Variants in MYPN observed in about 807,000 individuals in gnomAD.
MYPN encodes myopalladin.
MYPN carries 63 observed loss-of-function variants against 129.4 expected under a neutral mutation model. That is an observed-to-expected ratio of 0.49 (90% CI 0.40 to 0.60). MYPN has a LOEUF of 0.60. Among genes scored for constraint, MYPN ranks in the 20% least tolerant of loss-of-function variants. The pLI is 0.00. For missense variants in MYPN, 1,596 were observed against 1,635.4 expected (o/e 0.98, Z 0.42); for synonymous variants, 629 against 600.9 (o/e 1.05, Z -0.68).
chr10:68,147,784 C>A (rs1271288468), intron 4 of MYPN, among the ~76,000 whole-genome samples: 1 of 152,250 alleles, frequency 6.6e-6, no homozygotes, highest in East Asian at 1.9e-4. Flanking sequence ...AATCTCCCCT[C>A]TGCAGCCTTC....
At chr10:68,148,144 AG>A in intron 4 of MYPN, among the ~76,000 whole-genome samples, 1 of 152,336 alleles carries the variant, frequency 6.6e-6, no homozygotes, top group African/African-American at 2.4e-5. Flanking sequence ...GCCCAAGGAC[AG>A]GAATGGTGTC....
chr10:68,134,539 G>A (rs972785360), intron 2 of MYPN, among the ~76,000 whole-genome samples: 11 of 152,152 alleles, frequency 7.2e-5, no homozygotes, highest in African/African-American at 9.7e-5. Flanking sequence ...GCTCATGCCC[G>A]TAATCCCAGC....
rs2634711 is a variant in MYPN at position 68,166,176 on chromosome 10, T to C, written c.1601-118T>C. On this transcript the variant is annotated intron_variant, in intron 9 of 19. Transcript: ENST00000358913. Reference sequence around the variant, plus strand: ...TTAATGCCCAGATGATGATCTGTTTTTGACAAGCATTTTCCCATTCATACA... The same window carrying C: ...TTAATGCCCAGATGATGATCTGTTTCTGACAAGCATTTTCCCATTCATACA... 214,624 of 1,203,012 alleles carry C rather than the reference T, an allele frequency of 0.18. 20,207 individuals carry two copies. Among genetic ancestry groups the C allele is most frequent in the Admixed American group, 0.24 (13,776 of 57,812 alleles). The allele number at this position is 1,203,012 out of a possible 1,614,324, so 74.5% of individuals were successfully genotyped here.
intron 13 of MYPN, among the ~76,000 whole-genome samples, chr10:68,193,175 T>C (rs548406580): frequency 5.8e-4 from 88 of 152,162 alleles, no homozygotes; most frequent in Non-Finnish European, 9.9e-4. Flanking sequence ...ACTTCCCTCT[T>C]AGTAAGAAAG....
chr10:68,088,961 T>G (rs943724142), intron 1 of MYPN, among the ~76,000 whole-genome samples: 1 of 152,186 alleles, frequency 6.6e-6, no homozygotes, highest in African/African-American at 2.4e-5. Flanking sequence ...ACTTTCTGTT[T>G]CTGTAGACTT....
intron 11 of MYPN, among the ~76,000 whole-genome samples, 181 bp from the exon 12 acceptor site, chr10:68,175,141 AT>A (rs1226391502): frequency 1.4e-5 from 2 of 147,052 alleles, no homozygotes; most frequent in African/African-American, 5.1e-5. Context: ...CAAAAAAAAA[AT>A]TTTTTAAATT....
chr10:68,109,223 GT>G (rs1458455591), upstream of MYPN: 11 of 182,078 alleles, frequency 6.0e-5, no homozygotes, highest in Non-Finnish European at 2.3e-5. Flanking sequence ...AAAATGAAGA[GT>G]TTTCATACAT....
At chr10:68,204,990 C>T (rs1343891822) in intron 18 of MYPN, among the ~76,000 whole-genome samples, 2 of 152,138 alleles carry the variant, frequency 1.3e-5, no homozygotes, top group Non-Finnish European at 2.9e-5. Context: ...CAGCCACATC[C>T]CACCATCCCT....
chr10:68,093,529 C>G (rs10823135), intron 1 of MYPN, among the ~76,000 whole-genome samples: 40,567 of 146,396 alleles, frequency 0.28, 6,893 homozygotes, highest in East Asian at 0.85. Context: ...ACGAGGTCAG[C>G]AGATCGAGAC....
chr10:68,113,034 C>G (rs1320161819), intron 1 of MYPN, among the ~76,000 whole-genome samples: 1 of 152,172 alleles, frequency 6.6e-6, no homozygotes, highest in East Asian at 1.9e-4. Flanking sequence ...GAAGGCAAAA[C>G]CAACAGGTCA....
At chr10:68,171,616 T>C (rs1330474040) in intron 10 of MYPN, among the ~76,000 whole-genome samples, 1 of 152,232 alleles carries the variant, frequency 6.6e-6, no homozygotes, top group Non-Finnish European at 1.5e-5. Context: ...AAATTAACTC[T>C]GAGCAGGTGC....
At chr10:68,198,858 T>A (rs907651420) in intron 16 of MYPN, among the ~76,000 whole-genome samples, 1 of 145,354 alleles carries the variant, frequency 6.9e-6, no homozygotes, top group Non-Finnish European at 1.5e-5. Context: ...CCATGCCCTG[T>A]TGGGGGGATG....
rs544442298 is a variant in MYPN at position 68,131,784 on chromosome 10, C to CTA, written c.902+9446_902+9447dup. Among the ~76,000 whole-genome samples, 537 of 152,168 alleles carry CTA rather than the reference C, an allele frequency of 3.5e-3. 1 individual carries two copies. Among genetic ancestry groups the CTA allele is most frequent in the Middle Eastern group, 0.02 (6 of 294 alleles). On this transcript the variant is annotated intron_variant, in intron 2 of 19. Coordinates refer to ENST00000358913, the MANE Select transcript of MYPN (RefSeq NM_032578.4). ...ATTCATAGGCATCTCATTTTTAATGCTATTATTATTTTTTAATGCTATTAT... is the reference window on the plus strand; with the variant it reads ...ATTCATAGGCATCTCATTTTTAATGCTATATTATTATTTTTTAATGCTATTAT...
At chr10:68,138,974 C>T (rs1191805356) in intron 2 of MYPN, among the ~76,000 whole-genome samples, 2 of 152,102 alleles carry the variant, frequency 1.3e-5, no homozygotes, top group African/African-American at 2.4e-5. Context: ...TGTCTTAATC[C>T]TCCAACAGAT....
intron 14 of MYPN, among the ~76,000 whole-genome samples, 195 bp downstream of exon 14, chr10:68,194,707 C>T (rs1319019781): frequency 6.6e-6 from 1 of 152,214 alleles, no homozygotes; most frequent in African/African-American, 2.4e-5. Flanking sequence ...TCACTCAATC[C>T]TTCAGCCTTT....
At position 68,194,445 on chromosome 10, in the gene MYPN, C is replaced by G. The variant is rs779029734; in HGVS notation, c.3008C>G (p.Ser1003Cys). 2 of 1,613,900 alleles carry G rather than the reference C, an allele frequency of 1.2e-6. 1 individual carries two copies. The highest frequency in any genetic ancestry group is 2.2e-5 in the South Asian group (2 of 91,074). Residue 1003 changes from serine (S) to cysteine (C), a missense_variant, in exon 14 of 20, where the codon TCT becomes TGT. Ser to Cys is a moderately radical substitution (Grantham distance 112, BLOSUM62 -1). Coordinates refer to ENST00000358913, the MANE Select transcript of MYPN (RefSeq NM_032578.4). ...AGGCGAGAAGGAGATGGGACATGCT[C>G]TCTGCACATTGAATCCACTACCAGT... ...KMRREGDGTC[S>C]LHIESTTSDD...
rs763859643 is a variant in MYPN at position 68,165,816 on chromosome 10, G to C, written c.1598G>C (p.Arg533Thr). ...TVSSIAQLHV[R>T]GNEDLSNNGS... ...TCAAGCATTGCACAGCTGCACGTGA[G>C]AGGTAAGGACTCTTTAATGCTAGAA... The change falls in exon 9 of 20, where the codon AGA becomes ACA. Residue 533 changes from arginine to threonine, a missense_variant and splice_region_variant. By Grantham distance (71) the Arg-to-Thr change is moderately conservative. Coordinates refer to ENST00000358913, the MANE Select transcript of MYPN (RefSeq NM_032578.4). 2 of 1,612,296 alleles carry C rather than the reference G, an allele frequency of 1.2e-6. No individual in the cohort carries two copies. Among genetic ancestry groups the C allele is most frequent in the Non-Finnish European group, 1.7e-6 (2 of 1,178,314 alleles).
chr10:68,195,667 G>C (rs536521748), intron 15 of MYPN, 135 bp downstream of exon 15: 1 of 760,794 alleles, frequency 1.3e-6, no homozygotes, highest in South Asian at 1.5e-5. Context: ...TCACCTGGGC[G>C]TTGGTTGGAA....
intron 2 of MYPN, among the ~76,000 whole-genome samples, chr10:68,124,601 A>C (rs2042298627): frequency 6.6e-6 from 1 of 152,320 alleles, no homozygotes; most frequent in Middle Eastern, 3.4e-3. Context: ...TGGCAGATAC[A>C]TTTGACTATT....
Sources: gnomAD v4.1 joint callset for allele counts (sites outside exome capture counted in the v4.1 genomes callset) on GRCh38, gnomAD v4.1.1 for gene constraint, MANE v1.5 for transcripts, NCBI Gene and HGNC (gene_info 2026-07-23, HGNC 2026-07-21) for gene names.